Variants in TBC1D14 observed in about 807,000 individuals in gnomAD.
The protein encoded by TBC1D14 is TBC1 domain family, member 14.
In TBC1D14, 26 loss-of-function variants were observed where a neutral mutation model predicts 79.0. That is an observed-to-expected ratio of 0.33 (90% CI 0.24 to 0.46). The LOEUF (loss-of-function observed/expected upper bound fraction) is 0.46, where lower values mean the gene tolerates loss of function less well. Ranked by LOEUF, TBC1D14 falls within the 20% of genes least tolerant of loss-of-function variation. The pLI is 1.00. For synonymous variants in TBC1D14, 394 were observed against 349.9 expected, an observed-to-expected ratio of 1.13 and a Z score of -1.40; for missense variants, 769 against 887.6, an observed-to-expected ratio of 0.87 and a Z score of 1.70.
At chr4:6,931,409 C>T (rs997894522) in intron 2 of TBC1D14, among the ~76,000 whole-genome samples, 6 of 152,136 alleles carry the variant, frequency 3.9e-5, no homozygotes, top group South Asian at 2.1e-4. Flanking sequence ...AACCTTGACC[C>T]GAGACGTTTC....
intron 2 of TBC1D14, among the ~76,000 whole-genome samples, chr4:6,927,494 T>C (rs1478563880): frequency 6.6e-6 from 1 of 152,238 alleles, no homozygotes; most frequent in East Asian, 1.9e-4. Context: ...AGTAGTAGCT[T>C]TCTGTGGTTC....
intron 8 of TBC1D14, 43 bp from the exon 9 acceptor site, chr4:7,006,589 C>G (rs775989957): frequency 6.4e-7 from 1 of 1,562,804 alleles, no homozygotes; most frequent in Non-Finnish European, 8.8e-7. Flanking sequence ...GTCCTACATT[C>G]GTGCCCTTGA....
intron 3 of TBC1D14, among the ~76,000 whole-genome samples, chr4:6,975,120 G>A (rs1056811156): frequency 2.0e-5 from 3 of 152,034 alleles, no homozygotes; most frequent in Non-Finnish European, 4.4e-5. Flanking sequence ...CACTATGTTG[G>A]CCAGGCTGGT....
At chr4:7,027,170 C>T (rs888328397) in intron 13 of TBC1D14, among the ~76,000 whole-genome samples, 2 of 151,748 alleles carry the variant, frequency 1.3e-5, no homozygotes, top group Admixed American at 1.3e-4. Context: ...AAGATCATGC[C>T]ACTGCACTCC....
intron 2 of TBC1D14, among the ~76,000 whole-genome samples, chr4:6,946,812 C>G (rs760530062): frequency 2.0e-5 from 3 of 152,002 alleles, no homozygotes; most frequent in Non-Finnish European, 4.4e-5. Context: ...CACGTATATC[C>G]CCTCCCACCT....
intron 2 of TBC1D14, among the ~76,000 whole-genome samples, chr4:6,954,526 C>G (rs79134937): frequency 1.3e-5 from 2 of 152,314 alleles, no homozygotes; most frequent in East Asian, 1.9e-4. Context: ...TCTGAGTGCC[C>G]GAGCTCCCTG....
chr4:6,910,125 C>G (rs1722851723), intron 1 of TBC1D14, 174 bp downstream of exon 1: 1 of 150,858 alleles, frequency 6.6e-6, no homozygotes, highest in Non-Finnish European at 1.5e-5. Context: ...TCCTGCACGC[C>G]AGGGCAGCGC....
intron 1 of TBC1D14, among the ~76,000 whole-genome samples, chr4:6,921,231 G>T (rs1436962695): frequency 6.6e-6 from 1 of 151,316 alleles, no homozygotes; most frequent in Admixed American, 6.6e-5. Flanking sequence ...TTGAGACAGG[G>T]TCTCTTTCTG....
chr4:7,007,427 A>T (rs1720313638), intron 9 of TBC1D14: 1 of 648,522 alleles, frequency 1.5e-6, no homozygotes, highest in Non-Finnish European at 2.3e-6. Context: ...GGATCTTTTG[A>T]TCCCTTTCTT....
chr4:7,030,276 G>C, intron 13 of TBC1D14, 51 bp from the exon 14 acceptor site: 1 of 1,583,366 alleles, frequency 6.3e-7, no homozygotes, highest in Non-Finnish European at 8.7e-7. Flanking sequence ...CTGCTGTCAG[G>C]ATCTGTGTGC....
chr4:6,924,258 GAATCC>G (rs57881179), intron 2 of TBC1D14, 147 bp downstream of exon 2: 644,800 of 1,141,466 alleles, frequency 0.56, 184,660 homozygotes, highest in East Asian at 0.64. Context: ...CAGAAGCCCG[GAATCC>G]TGTGGGATTG....
rs753855999 is a variant in TBC1D14 at position 7,009,900 on chromosome 4, G to A, written c.1470G>A (p.Leu490=). 8.1e-6 allele frequency: 13 copies of A among 1,614,170 alleles called. No individual in the cohort carries two copies. The highest frequency in any genetic ancestry group is 3.4e-6 in the Non-Finnish European group (4 of 1,180,038). The change falls in exon 10 of 14, where the codon TTG becomes TTA. Residue 490 remains leucine, a synonymous_variant. Coordinates refer to ENST00000409757, the MANE Select transcript of TBC1D14 (RefSeq NM_020773.3). ...AGGGTGGTCCATATCATGACATGTT[G>A]CACAGTATTTTGGGCGCTTATACTT... is the stretch of plus-strand genomic sequence containing the variant. ...FQQGGPYHDM[L]HSILGAYTCY... is the part of the protein sequence containing the mutation.
intron 2 of TBC1D14, among the ~76,000 whole-genome samples, chr4:6,945,903 A>G (rs1301700810): frequency 6.6e-6 from 1 of 152,164 alleles, no homozygotes; most frequent in African/African-American, 2.4e-5. Flanking sequence ...AAGAAAAATT[A>G]ATATATGCAT....
chr4:6,996,597 C>T (rs995185355), intron 5 of TBC1D14, among the ~76,000 whole-genome samples, 190 bp downstream of exon 5: 23 of 151,126 alleles, frequency 1.5e-4, no homozygotes, highest in African/African-American at 3.6e-4. Flanking sequence ...TGCAGGGTGG[C>T]GTGGGCGGAC....
chr4:7,023,250 C>T (rs756863995), intron 12 of TBC1D14, among the ~76,000 whole-genome samples: 6 of 152,098 alleles, frequency 3.9e-5, no homozygotes, highest in African/African-American at 1.2e-4. Flanking sequence ...AGTGAGACTC[C>T]GTCTCAAGAA....
At chr4:6,936,495 A>G (rs1712339958) in intron 2 of TBC1D14, among the ~76,000 whole-genome samples, 1 of 152,148 alleles carries the variant, frequency 6.6e-6, no homozygotes, top group African/African-American at 2.4e-5. Flanking sequence ...ATGATGTTTC[A>G]CTGCATGTAT....
chr4:7,014,687 C>T (rs1721109867), intron 12 of TBC1D14, 130 bp downstream of exon 12: 2 of 648,656 alleles, frequency 3.1e-6, no homozygotes, highest in Admixed American at 5.3e-5. Context: ...TCCCTGATGG[C>T]CCTGCCCTTG....
chr4:6,999,306 G>T, intron 6 of TBC1D14, 104 bp downstream of exon 6: 1 of 1,012,840 alleles, frequency 9.9e-7, no homozygotes, highest in Non-Finnish European at 1.5e-6. Context: ...CCTGGATGCA[G>T]CGAGTTGAAG....
chr4:6,962,026 G>A lies in TBC1D14; in HGVS notation c.723-5278G>A, dbSNP rs373150918. ...AGGTGTGTCTGAGCCAAGGCTGATCGATGGGGCTTTTGACACGAGACATCA... is the reference window on the plus strand; with the variant it reads ...AGGTGTGTCTGAGCCAAGGCTGATCAATGGGGCTTTTGACACGAGACATCA... On this transcript the variant is annotated intron_variant, in intron 2 of 13. Transcript: ENST00000409757. 6.6e-5 allele frequency among the ~76,000 whole-genome samples: 10 copies of A among 152,296 alleles called. No individual in the cohort carries two copies. The East Asian group carries it at 9.6e-4, about 15-fold the overall frequency.
Sources: allele counts gnomAD v4.1 joint callset (sites outside exome capture counted in the v4.1 genomes callset), GRCh38; gene constraint gnomAD v4.1.1; transcripts MANE v1.5; gene names NCBI Gene and HGNC (gene_info 2026-07-23, HGNC 2026-07-21).